SPATA17: variants seen among roughly 807,000 people sequenced by gnomAD.
SPATA17 encodes the protein spermatogenesis-associated protein 17.
SPATA17 carries 53 observed loss-of-function variants against 62.2 expected under a neutral mutation model. That is an observed-to-expected ratio of 0.85 (90% CI 0.68 to 1.07). The LOEUF (loss-of-function observed/expected upper bound fraction) is 1.07. Among genes scored for constraint, SPATA17 ranks in the 50% least tolerant of loss-of-function variants. The pLI is 0.00. For synonymous variants in SPATA17, 146 were observed against 146.8 expected, an observed-to-expected ratio of 0.99 and a Z score of 0.04; for missense variants, 466 against 425.5, an observed-to-expected ratio of 1.10 and a Z score of -0.84.
At chr1:217,725,093 C>G (rs1372209679) in intron 5 of SPATA17, among the ~76,000 whole-genome samples, 1 of 152,090 alleles carries the variant, frequency 6.6e-6, no homozygotes, top group Admixed American at 6.6e-5. Flanking sequence ...TTACTTTTGT[C>G]ACACTGAATA....
intron 9 of SPATA17, chr1:217,850,539 T>A: frequency 6.3e-7 from 1 of 1,589,696 alleles, no homozygotes; most frequent in Non-Finnish European, 8.6e-7. Flanking sequence ...GCCTTCCTTA[T>A]CCTGGATATT....
intron 5 of SPATA17, among the ~76,000 whole-genome samples, chr1:217,687,708 A>G (rs1204178024): frequency 6.6e-6 from 1 of 152,162 alleles, no homozygotes; most frequent in Non-Finnish European, 1.5e-5. Context: ...TGTATGCACG[A>G]TGATGAAATT....
At chr1:217,824,529 T>G (rs1439640054) in intron 9 of SPATA17, among the ~76,000 whole-genome samples, 1 of 151,374 alleles carries the variant, frequency 6.6e-6, no homozygotes, top group Non-Finnish European at 1.5e-5. Context: ...ATAGCCACTA[T>G]CCTCAATTTT....
At chr1:217,710,390 G>T (rs907728144) in intron 5 of SPATA17, among the ~76,000 whole-genome samples, 1 of 151,670 alleles carries the variant, frequency 6.6e-6, no homozygotes, top group Admixed American at 6.6e-5. Context: ...TCAGAGAAGT[G>T]ACTTTAAAAA....
At chr1:217,802,941 C>A (rs945173790) in intron 9 of SPATA17, among the ~76,000 whole-genome samples, 2 of 152,130 alleles carry the variant, frequency 1.3e-5, no homozygotes, top group Admixed American at 1.3e-4. Flanking sequence ...GAGATGAAGT[C>A]TCGCTCTGTC....
At chr1:217,679,203 T>C (rs953601819) in intron 4 of SPATA17, among the ~76,000 whole-genome samples, 5 of 152,144 alleles carry the variant, frequency 3.3e-5, no homozygotes, top group African/African-American at 9.7e-5. Flanking sequence ...ACGCATATAC[T>C]CTTTCTCTTT....
At chr1:217,650,886 C>G (rs986340757) in intron 2 of SPATA17, among the ~76,000 whole-genome samples, 1 of 151,988 alleles carries the variant, frequency 6.6e-6, no homozygotes, top group African/African-American at 2.4e-5. Flanking sequence ...AATAATAAGC[C>G]CCAAAGAAAT....
Position 217,705,430 on chromosome 1 carries a change from C to CTTTTTTTTTTTTT in SPATA17, c.395+22085_395+22097dup, listed in dbSNP as rs58138326. The stretch of plus-strand genomic sequence containing the variant: ...TTTATCTCAATTAGATTCTAGTTGT[C>CTTTTTTTTTTTTT]TTTTTTTTTTTTTTTTTTTTTTTTT... On this transcript the variant is annotated intron_variant, in intron 5 of 10. Coordinates refer to ENST00000366933, the MANE Select transcript of SPATA17 (RefSeq NM_138796.4). Among the ~76,000 whole-genome samples the CTTTTTTTTTTTTT allele has an allele frequency of 4.7e-4, 22 of 46,628 alleles. 3 individuals are homozygous for CTTTTTTTTTTTTT. The highest frequency in any genetic ancestry group is 6.9e-4 in the African/African-American group (8 of 11,530). The allele number at this position is 46,628 out of a possible 152,430, so 30.6% of individuals were successfully genotyped here. A position where few individuals can be genotyped will look rare whatever the true frequency, so the allele number is the denominator to read the frequency against.
intron 9 of SPATA17, among the ~76,000 whole-genome samples, chr1:217,845,910 T>G (rs1402884141): frequency 6.6e-6 from 1 of 152,122 alleles, no homozygotes; most frequent in Admixed American, 6.6e-5. Flanking sequence ...CTGCCAGTTC[T>G]TCCATGTGCT....
intron 8 of SPATA17, among the ~76,000 whole-genome samples, chr1:217,791,908 C>T (rs1368682946): frequency 6.6e-6 from 1 of 151,952 alleles, no homozygotes; most frequent in Non-Finnish European, 1.5e-5. Context: ...AGAACTGAGA[C>T]GTTGGTAATG....
chr1:217,749,181 T>C (rs1179899608), intron 6 of SPATA17, among the ~76,000 whole-genome samples: 2 of 152,170 alleles, frequency 1.3e-5, no homozygotes, highest in Non-Finnish European at 2.9e-5. Context: ...CTGGAGCACA[T>C]ATTTGGACCT....
At chr1:217,701,942 T>C (rs889135123) in intron 5 of SPATA17, among the ~76,000 whole-genome samples, 8 of 152,076 alleles carry the variant, frequency 5.3e-5, no homozygotes, top group African/African-American at 1.7e-4. Flanking sequence ...TTTAGTTCTA[T>C]CATCCTTTTC....
Position 217,840,435 on chromosome 1 carries a change from T to G in SPATA17, c.1006-22339T>G, listed in dbSNP as rs150979855. ...GGATATTGATATTATCATTCCTCTG[T>G]GTAGATTAAAAGCTAAATAAAGTTC... On this transcript the variant is annotated intron_variant, in intron 9 of 10. Transcript: ENST00000366933. Among the ~76,000 whole-genome samples, 1,470 of 152,244 alleles carry G rather than the reference T, an allele frequency of 9.7e-3. 20 individuals are homozygous for G. The highest frequency in any genetic ancestry group is 0.033 in the African/African-American group (1,364 of 41,566).
chr1:217,697,795 T>C (rs1246418567), intron 5 of SPATA17, among the ~76,000 whole-genome samples: 1 of 152,184 alleles, frequency 6.6e-6, no homozygotes, highest in East Asian at 1.9e-4. Context: ...TAATGGAAGA[T>C]TGCTTTATGA....
At chr1:217,855,882 A>C (rs1300544685) in intron 9 of SPATA17, among the ~76,000 whole-genome samples, 1 of 151,898 alleles carries the variant, frequency 6.6e-6, no homozygotes, top group Non-Finnish European at 1.5e-5. Flanking sequence ...GCGTGCCACC[A>C]AGTCCAGCTA....
chr1:217,807,533 GT>G (rs1426367698), intron 9 of SPATA17, among the ~76,000 whole-genome samples: 1 of 152,006 alleles, frequency 6.6e-6, no homozygotes, highest in Non-Finnish European at 1.5e-5. Context: ...AAATTTAAAT[GT>G]TATGGCTCAT....
chr1:217,862,742 T>C, intron 9 of SPATA17, 32 bp from the exon 10 acceptor site: 2 of 1,418,360 alleles, frequency 1.4e-6, no homozygotes, highest in Non-Finnish European at 2.0e-6. Context: ...CATGAAGATC[T>C]CTGTGGTAAT....
intron 5 of SPATA17, among the ~76,000 whole-genome samples, chr1:217,731,632 TA>T (rs1672404065): frequency 6.6e-6 from 1 of 152,174 alleles, no homozygotes; most frequent in Non-Finnish European, 1.5e-5. Flanking sequence ...TCCTTTTCAT[TA>T]TCCCATAGTA....
intron 9 of SPATA17, among the ~76,000 whole-genome samples, chr1:217,861,450 A>G (rs1675895655): frequency 6.6e-6 from 1 of 150,594 alleles, no homozygotes; most frequent in South Asian, 2.1e-4. Flanking sequence ...AGTGTTATCA[A>G]GTTGCCAACA....
Sources: gnomAD v4.1 joint callset for allele counts (sites outside exome capture counted in the v4.1 genomes callset) on GRCh38, gnomAD v4.1.1 for gene constraint, MANE v1.5 for transcripts, NCBI Gene and HGNC (gene_info 2026-07-23, HGNC 2026-07-21) for gene names.